The following SLC25A21 variants were observed in gnomAD, a reference collection of about 807,000 sequenced individuals.
SLC25A21 encodes the protein solute carrier family 25 member 21.
In SLC25A21, 47 loss-of-function variants were observed where a neutral mutation model predicts 43.8. The ratio of observed to expected loss-of-function variants is 1.07; its 90% CI spans 0.85 to 1.37. SLC25A21 has a LOEUF of 1.37. Ranked by LOEUF, SLC25A21 falls within the 40% of genes most tolerant of loss-of-function variation. SLC25A21 has a pLI of 0.00. For missense variants in SLC25A21, 352 were observed against 350.2 expected, an observed-to-expected ratio of 1.00 and a Z score of -0.04; for synonymous variants, 131 against 121.3, an observed-to-expected ratio of 1.08 and a Z score of -0.52.
chr14:36,907,385 A>G (rs928907197), intron 1 of SLC25A21, among the ~76,000 whole-genome samples: 1 of 152,134 alleles, frequency 6.6e-6, no homozygotes, highest in South Asian at 2.1e-4. Context: ...ATTGACAGAT[A>G]AAATTGTGTG....
intron 1 of SLC25A21, among the ~76,000 whole-genome samples, chr14:37,160,196 C>T (rs546056465): frequency 6.6e-6 from 1 of 152,186 alleles, no homozygotes; most frequent in Non-Finnish European, 1.5e-5. Flanking sequence ...ACCACTCGAT[C>T]CAGCAATTCC....
rs558434677 is a variant in SLC25A21 at position 36,872,634 on chromosome 14, G to A, written c.119+2322C>T. ...CTTTATTCAACATACTTATCATTAT[G>A]CAGGTCAAATACCACCCAGTATCCA... On this transcript the variant is annotated intron_variant, in intron 2 of 9. Coordinates refer to ENST00000331299, the MANE Select transcript of SLC25A21 (RefSeq NM_030631.4). Among the ~76,000 whole-genome samples, 95 of 152,272 alleles carry A rather than the reference G, an allele frequency of 6.2e-4. 1 individual carries two copies. Among genetic ancestry groups the A allele is most frequent in the African/African-American group, 2.1e-3 (89 of 41,562 alleles).
chr14:36,747,336 T>C (rs570847630), intron 3 of SLC25A21, among the ~76,000 whole-genome samples: 3 of 152,202 alleles, frequency 2.0e-5, no homozygotes, highest in African/African-American at 7.2e-5. Flanking sequence ...TTACCCAGCA[T>C]GGAAAACTCT....
At chr14:37,133,775 C>T (rs778100798) in intron 1 of SLC25A21, among the ~76,000 whole-genome samples, 2 of 152,118 alleles carry the variant, frequency 1.3e-5, no homozygotes, top group Non-Finnish European at 2.9e-5. Context: ...TTCATGCTTC[C>T]GTTCCACTAC....
chr14:37,103,981 A>T (rs1165766000), intron 1 of SLC25A21, among the ~76,000 whole-genome samples: 12 of 152,218 alleles, frequency 7.9e-5, no homozygotes, highest in Admixed American at 7.9e-4. Context: ...ATGCAGAAAG[A>T]AGGACCATTT....
At chr14:36,804,266 G>A (rs1011776317) in intron 3 of SLC25A21, among the ~76,000 whole-genome samples, 1 of 152,146 alleles carries the variant, frequency 6.6e-6, no homozygotes, top group African/African-American at 2.4e-5. Flanking sequence ...GATGAGATAT[G>A]TACAAGGCTT....
chr14:37,171,142 TGGGGA>T (rs1964121322), intron 1 of SLC25A21, among the ~76,000 whole-genome samples: 1 of 13,036 alleles, frequency 7.7e-5, no homozygotes, highest in Non-Finnish European at 1.4e-4. Context: ...AGGGGAGGGG[TGGGGA>T]GGGGAGGGGA....
chr14:36,894,813 A>T (rs571508006), intron 1 of SLC25A21, among the ~76,000 whole-genome samples: 9 of 151,974 alleles, frequency 5.9e-5, no homozygotes, highest in Non-Finnish European at 1.2e-4. Flanking sequence ...GGTTTTTGTC[A>T]TTGGTTCTGT....
chr14:36,710,046 G>A (rs1275692567), intron 7 of SLC25A21, among the ~76,000 whole-genome samples: 1 of 152,146 alleles, frequency 6.6e-6, no homozygotes, highest in Non-Finnish European at 1.5e-5. Flanking sequence ...GCTTGCATCT[G>A]TAAGTTACCA....
chr14:36,835,045 A>G (rs760203371), intron 2 of SLC25A21, among the ~76,000 whole-genome samples: 20 of 152,358 alleles, frequency 1.3e-4, no homozygotes, highest in Admixed American at 3.9e-4. Context: ...AGCATGGTCT[A>G]TAACATCTCG....
intron 1 of SLC25A21, among the ~76,000 whole-genome samples, chr14:37,152,904 C>G (rs1963783673): frequency 6.6e-6 from 1 of 152,096 alleles, no homozygotes. Context: ...AGTATATAGA[C>G]AGTCACACTT....
intron 3 of SLC25A21, among the ~76,000 whole-genome samples, chr14:36,770,115 A>T (rs1165749492): frequency 6.6e-6 from 1 of 152,184 alleles, no homozygotes; most frequent in African/African-American, 2.4e-5. Flanking sequence ...ACATGGAGTC[A>T]ACCTAAGTGT....
chr14:36,884,365 C>G (rs1341936246), intron 1 of SLC25A21, among the ~76,000 whole-genome samples: 1 of 152,120 alleles, frequency 6.6e-6, no homozygotes, highest in Non-Finnish European at 1.5e-5. Flanking sequence ...ATTTTCTTAT[C>G]ACTCATTCAC....
At chr14:36,852,232 G>C (rs1431602826) in intron 2 of SLC25A21, among the ~76,000 whole-genome samples, 1 of 152,102 alleles carries the variant, frequency 6.6e-6, no homozygotes, top group African/African-American at 2.4e-5. Flanking sequence ...CCTACACAGA[G>C]AACAACAGCA....
At chr14:36,740,527 T>G (rs1052891727) in intron 3 of SLC25A21, among the ~76,000 whole-genome samples, 5 of 152,232 alleles carry the variant, frequency 3.3e-5, no homozygotes, top group Admixed American at 3.3e-4. Context: ...GATCAAAAAC[T>G]ACATCACGTG....
intron 2 of SLC25A21, among the ~76,000 whole-genome samples, chr14:36,852,802 C>A (rs531319098): frequency 6.6e-6 from 1 of 151,960 alleles, no homozygotes; most frequent in East Asian, 1.9e-4. Context: ...AAACACACAG[C>A]TGACCATATT....
At chr14:36,883,594 G>A (rs950881506) in intron 1 of SLC25A21, among the ~76,000 whole-genome samples, 2 of 152,060 alleles carry the variant, frequency 1.3e-5, no homozygotes, top group African/African-American at 4.8e-5. Flanking sequence ...ATTATCCATC[G>A]ATATGCACTA....
intron 3 of SLC25A21, among the ~76,000 whole-genome samples, chr14:36,787,966 C>CAA (rs1434522588): frequency 2.6e-5 from 4 of 152,104 alleles, no homozygotes; most frequent in Admixed American, 2.6e-4. Flanking sequence ...TATAGACACT[C>CAA]AGAGTAATTT....
rs1882037735 is a variant in SLC25A21, at chr14:36,678,791, T to C, written c.*1867A>G. On this transcript the variant is annotated 3_prime_UTR_variant, in exon 10 of 10. Coordinates refer to ENST00000331299, the MANE Select transcript of SLC25A21 (RefSeq NM_030631.4). Reference sequence around the variant, plus strand: ...TTAAAAAATCTAATATTAATGGTATTGAAGTTTCCTTTTCTCCCTCTAGGT... The same window carrying C: ...TTAAAAAATCTAATATTAATGGTATCGAAGTTTCCTTTTCTCCCTCTAGGT... 2 of 1,030,114 alleles carry C rather than the reference T, an allele frequency of 1.9e-6. No individual in the cohort carries two copies. The highest frequency in any genetic ancestry group is 2.4e-6 in the Non-Finnish European group (2 of 848,578). 63.8% of individuals were successfully genotyped at this position (1,030,114 alleles called of 1,614,324 possible). A position where few individuals can be genotyped will look rare whatever the true frequency, so the allele number is the denominator to read the frequency against.
Sources: gnomAD v4.1 joint callset for allele counts (sites outside exome capture counted in the v4.1 genomes callset) on GRCh38, gnomAD v4.1.1 for gene constraint, MANE v1.5 for transcripts, NCBI Gene and HGNC (gene_info 2026-07-23, HGNC 2026-07-21) for gene names.